WDR35: variants seen among roughly 807,000 people sequenced by gnomAD.
WDR35 encodes WD repeat domain 35, also known as WD repeat-containing protein 35.
Under a neutral mutation model 158.3 loss-of-function variants are expected in WDR35, and 118 were observed. The observed-to-expected ratio is 0.75, with a 90% CI of 0.64 to 0.87. The LOEUF (loss-of-function observed/expected upper bound fraction) is 0.87. Among genes scored for constraint, WDR35 ranks in the 40% least tolerant of loss-of-function variants. The pLI is 0.00. For synonymous variants in WDR35, 448 were observed against 476.1 expected, an observed-to-expected ratio of 0.94 and a Z score of 0.77; for missense variants, 1,263 against 1,405.8, an observed-to-expected ratio of 0.90 and a Z score of 1.62.
Position 19,945,772 on chromosome 2 carries a change from T to C in WDR35, c.1845+14A>G. On this transcript the variant is annotated intron_variant, in intron 16 of 26. Transcript: ENST00000281405. ...ATTATTTATAGACTGTTAACACTCA[T>C]TTCTTGTTTTTACCTCAGGATCCAA... 6.2e-7 allele frequency: 1 copy of C among 1,613,630 alleles called. No individual in the cohort carries two copies. The highest frequency in any genetic ancestry group is 2.2e-5 in the East Asian group (1 of 44,868).
chr2:19,930,601 AG>A, intron 24 of WDR35, 49 bp from the exon 25 acceptor site: 1 of 1,611,716 alleles, frequency 6.2e-7, no homozygotes. Flanking sequence ...ACGCACACAC[AG>A]TGTCAACTCC....
chr2:19,956,047 C>T (rs978141698), intron 11 of WDR35, among the ~76,000 whole-genome samples: 1 of 152,160 alleles, frequency 6.6e-6, no homozygotes, highest in Non-Finnish European at 1.5e-5. Flanking sequence ...AGACTGACAG[C>T]AAAGCCTCCA....
Position 19,914,252 on chromosome 2 carries a change from G to A in WDR35, c.3147C>T (p.Asp1049=), listed in dbSNP as rs1240159977. 2.5e-6 allele frequency: 4 copies of A among 1,613,842 alleles called. No individual in the cohort carries two copies. Among genetic ancestry groups the A allele is most frequent in the Non-Finnish European group, 3.4e-6 (4 of 1,179,922 alleles). Residue 1049 remains aspartate (D), a synonymous_variant, in exon 26 of 27, where the codon GAC becomes GAT. Coordinates refer to ENST00000281405, the MANE Select transcript of WDR35 (RefSeq NM_020779.4). The part of the protein sequence containing the change: ...KTALHLKDYE[D]IIPPVEIYSL... ...AGTAGATCTCCACAGGAGGGATGAT[G>A]TCTTCATAGTCTTTCAGGTGAAGAG...
At chr2:19,946,159 AT>A (rs771129296) in intron 15 of WDR35, among the ~76,000 whole-genome samples, 163 bp from the exon 16 acceptor site, 6 of 152,230 alleles carry the variant, frequency 3.9e-5, no homozygotes, top group Non-Finnish European at 8.8e-5. Context: ...GATACAAGAT[AT>A]GGACTACTCT....
At position 19,934,875 on chromosome 2, in the gene WDR35, T is replaced by C. The variant is rs1348974410; in HGVS notation, c.2547+596A>G. Among the ~76,000 whole-genome samples the C allele has an allele frequency of 1.3e-5, 2 of 152,326 alleles. No individual in the cohort carries two copies. Among genetic ancestry groups the C allele is most frequent in the East Asian group, 3.9e-4 (2 of 5,186 alleles). On this transcript the variant is annotated intron_variant, in intron 21 of 26. Coordinates refer to ENST00000281405, the MANE Select transcript of WDR35 (RefSeq NM_020779.4). The surrounding 1 kb of genome is among the most constrained non-coding windows in gnomAD (Gnocchi z 4.6). ...TTTGAAGCAGAACTCACAACTGATA[T>C]ACATCCAGACTCTGCAGTTGAGAGC...
At chr2:19,914,579 T>C (rs1669938449) in intron 25 of WDR35, among the ~76,000 whole-genome samples, 1 of 152,204 alleles carries the variant, frequency 6.6e-6, no homozygotes, top group Non-Finnish European at 1.5e-5. Context: ...CCACATTTTC[T>C]TCAATTTATG....
intron 25 of WDR35, among the ~76,000 whole-genome samples, chr2:19,927,001 C>T (rs1670378027): frequency 6.6e-6 from 1 of 152,116 alleles, no homozygotes; most frequent in Admixed American, 6.5e-5. Flanking sequence ...TAACTGGGGA[C>T]AGATCAAGAA....
intron 8 of WDR35, among the ~76,000 whole-genome samples, chr2:19,972,957 A>T (rs1040943621): frequency 6.6e-6 from 1 of 152,072 alleles, no homozygotes; most frequent in Non-Finnish European, 1.5e-5. Flanking sequence ...ACATTTTCCA[A>T]TGCTACTTCT....
chr2:19,964,048 G>C (rs1008563190), intron 10 of WDR35, among the ~76,000 whole-genome samples: 5 of 152,078 alleles, frequency 3.3e-5, no homozygotes, highest in Non-Finnish European at 5.9e-5. Flanking sequence ...TTGACTTACA[G>C]CTATGGAATT....
In WDR35 at chr2:19,911,856, G is replaced by C. The variant is rs1669845412; in HGVS notation, c.*1702C>G. On this transcript the variant is annotated 3_prime_UTR_variant, in exon 27 of 27. Transcript: ENST00000281405. The stretch of plus-strand genomic sequence containing the variant: ...CCACTGGTGACACTCATTCTGGCCT[G>C]TCCTTACCCAAGAAATACAATAAAA... The C allele has an allele frequency of 6.6e-6, 1 of 152,210 alleles. No individual in the cohort carries two copies. Among genetic ancestry groups the C allele is most frequent in the Admixed American group, 6.5e-5 (1 of 15,274 alleles). The allele number at this position is 152,210 out of a possible 1,614,324, so 9.4% of individuals were successfully genotyped here. A position where few individuals can be genotyped will look rare whatever the true frequency, so the allele number is the denominator to read the frequency against.
intron 10 of WDR35, among the ~76,000 whole-genome samples, chr2:19,961,775 G>A (rs1671669737): frequency 6.6e-6 from 1 of 152,186 alleles, no homozygotes; most frequent in Non-Finnish European, 1.5e-5. Context: ...CTATGAGAAT[G>A]TCTTGAGAAA....
Position 19,930,444 on chromosome 2 carries a change from C to A in WDR35, c.3073G>T (p.Ala1025Ser). 6.2e-7 allele frequency: 1 copy of A among 1,614,128 alleles called. No homozygotes were observed. Among genetic ancestry groups the A allele is most frequent in the Non-Finnish European group, 8.5e-7 (1 of 1,180,012 alleles). The change falls in exon 25 of 27, where the codon GCA becomes TCA. Residue 1025 changes from alanine to serine, a missense_variant. Transcript: ENST00000281405. ...GAEAYHFFIL[A>S]QRQLYEGCVD... is the part of the protein sequence containing the mutation. ...CATCCCTCATAGAGCTGCCTCTGTG[C>A]AAGTATAAAGAAGTGGTAAGCCTCT...
At position 19,910,837 on chromosome 2, in the gene WDR35, A is replaced by C. The variant is rs1572297992; in HGVS notation, c.*2721T>G. On this transcript the variant is annotated 3_prime_UTR_variant, in exon 27 of 27. Transcript: ENST00000281405. ...ATTTACACAGAAGACAAAGGTCCCC[A>C]AGACATTATGGCAGATCATTAAAAC... 6.6e-6 allele frequency: 1 copy of C among 152,220 alleles called. No individual in the cohort carries two copies. Among genetic ancestry groups the C allele is most frequent in the Non-Finnish European group, 1.5e-5 (1 of 68,042 alleles). The allele number at this position is 152,220 out of a possible 1,614,324, so 9.4% of individuals were successfully genotyped here.
chr2:19,912,846 T>A lies in WDR35; in HGVS notation c.*712A>T, dbSNP rs572859023. ...AGTGACAATGTTTCAACAGAAGCTA[T>A]AACTACAAAATGGATATTTCTGTTT... On this transcript the variant is annotated 3_prime_UTR_variant, in exon 27 of 27. Coordinates refer to ENST00000281405, the MANE Select transcript of WDR35 (RefSeq NM_020779.4). 9.2e-5 allele frequency: 14 copies of A among 152,362 alleles called. No individual in the cohort carries two copies. Among genetic ancestry groups the A allele is most frequent in the South Asian group, 2.1e-4 (1 of 4,830 alleles). 9.4% of individuals were successfully genotyped at this position (152,362 alleles called of 1,614,324 possible).
intron 12 of WDR35, among the ~76,000 whole-genome samples, chr2:19,953,324 T>C (rs1671310114): frequency 6.6e-6 from 1 of 152,146 alleles, no homozygotes; most frequent in African/African-American, 2.4e-5. Context: ...CTAGAAGTAA[T>C]TCCAACTCCA....
intron 10 of WDR35, among the ~76,000 whole-genome samples, chr2:19,961,304 GA>G (rs1553320722): frequency 6.6e-6 from 1 of 151,994 alleles, no homozygotes; most frequent in Non-Finnish European, 1.5e-5. Flanking sequence ...AATTTGCAAG[GA>G]AAAAATGAAT....
intron 2 of WDR35, among the ~76,000 whole-genome samples, chr2:19,988,000 TA>T (rs1198774557): frequency 6.6e-6 from 1 of 152,096 alleles, no homozygotes. Context: ...GATTGAACTA[TA>T]AAACAGCATA....
intron 8 of WDR35, 73 bp from the exon 9 acceptor site, chr2:19,969,678 C>T (rs1572357466): frequency 1.3e-6 from 2 of 1,497,962 alleles, no homozygotes; most frequent in East Asian, 2.3e-5. Flanking sequence ...AATCACTTCA[C>T]AGAGATCAAA....
chr2:19,984,233 A>T (rs1672484915), intron 2 of WDR35, among the ~76,000 whole-genome samples: 1 of 152,186 alleles, frequency 6.6e-6, no homozygotes, highest in Non-Finnish European at 1.5e-5. Context: ...TATCATCCAC[A>T]TCTGAAAACG....
Sources: allele counts gnomAD v4.1 joint callset (sites outside exome capture counted in the v4.1 genomes callset), GRCh38; gene constraint gnomAD v4.1.1; non-coding constraint Gnocchi (gnomAD v3.1); transcripts MANE v1.5; gene names NCBI Gene and HGNC (gene_info 2026-07-23, HGNC 2026-07-21).